The following CX3CL1 variants were observed in gnomAD, a reference collection of about 807,000 sequenced individuals.
CX3CL1 encodes C-X3-C motif chemokine ligand 1.
In CX3CL1, 1 loss-of-function variant was observed where a neutral mutation model predicts 14.1. The observed-to-expected ratio is 0.07, with a 90% CI of 0.03 to 0.34. The LOEUF is 0.34. Ranked by LOEUF, CX3CL1 falls within the 10% of genes least tolerant of loss-of-function variation. The pLI, the probability that CX3CL1 is intolerant of heterozygous loss-of-function variation, is 0.99. For synonymous variants in CX3CL1, 255 were observed against 229.6 expected (o/e 1.11, Z -1.00); for missense variants, 505 against 536.4 (o/e 0.94, Z 0.58).
At chr16:57,374,751 G>C (rs1366166452) in intron 1 of CX3CL1, among the ~76,000 whole-genome samples, 2 of 152,170 alleles carry the variant, frequency 1.3e-5, no homozygotes, top group Non-Finnish European at 2.9e-5. Flanking sequence ...CAGCCCTCGA[G>C]GTGCTGTAAT....
rs1360276417 is a variant in CX3CL1 at position 57,383,501 on chromosome 16, T to TC, written c.*474dup. 2 of 155,142 alleles carry TC rather than the reference T, an allele frequency of 1.3e-5. No individual in the cohort carries two copies. Among genetic ancestry groups the TC allele is most frequent in the Non-Finnish European group, 2.9e-5 (2 of 70,146 alleles). 9.6% of individuals were successfully genotyped at this position (155,142 alleles called of 1,614,324 possible). ...CACCCCGGCCACCTGCGGTGCTATC[T>TC]CCCCCAGCCCCATCCTCTGTACAGA... On this transcript the variant is annotated 3_prime_UTR_variant, in exon 3 of 3. Transcript: ENST00000006053.
intron 2 of CX3CL1, 115 bp from the exon 3 acceptor site, chr16:57,381,915 G>C (rs2146514575): frequency 8.5e-7 from 1 of 1,181,292 alleles, no homozygotes; most frequent in East Asian, 2.6e-5. Flanking sequence ...TGGGAGGACA[G>C]GGTTTCCAGC....
chr16:57,379,661 A>G lies in CX3CL1; in HGVS notation c.98A>G (p.Asn33Ser), dbSNP rs375526511. 3 of 1,614,204 alleles carry G rather than the reference A, an allele frequency of 1.9e-6. No individual in the cohort carries two copies. The highest frequency in any genetic ancestry group is 2.5e-6 in the Non-Finnish European group (3 of 1,180,026). Reference protein sequence around the residue: ...AGQHHGVTKCNITCSKMTSKI... With the variant: ...AGQHHGVTKCSITCSKMTSKI... The stretch of plus-strand genomic sequence containing the variant: ...CAGCACCACGGTGTGACGAAATGCA[A>G]CATCACGTGCAGCAAGATGACATCA... Residue 33 changes from asparagine (N) to serine (S), a missense_variant, in exon 2 of 3, where the codon AAC (asparagine) becomes AGC (serine). By Grantham distance (46) the Asn-to-Ser change is conservative. Transcript: ENST00000006053.
chr16:57,374,356 T>C (rs1224722521), intron 1 of CX3CL1, among the ~76,000 whole-genome samples: 1 of 151,890 alleles, frequency 6.6e-6, no homozygotes, highest in Non-Finnish European at 1.5e-5. Context: ...TTCTGTACTT[T>C]ATATAACAAA....
rs563766506 is a variant in CX3CL1 at position 57,381,528 on chromosome 16, T to A, written c.192-502T>A. Among the ~76,000 whole-genome samples, 23 of 152,150 alleles carry A rather than the reference T, an allele frequency of 1.5e-4. 1 individual carries two copies. The Middle Eastern group carries it at 0.01, about 68-fold the overall frequency. Reference sequence around the variant, plus strand: ...CCTGTTCCAGAGTGAGGAGGCCCCATACAGAGCTCACCTGAAGTCCCCCCC... The same window carrying A: ...CCTGTTCCAGAGTGAGGAGGCCCCAAACAGAGCTCACCTGAAGTCCCCCCC... On this transcript the variant is annotated intron_variant, in intron 2 of 2. Coordinates refer to ENST00000006053, the MANE Select transcript of CX3CL1 (RefSeq NM_002996.6).
intron 2 of CX3CL1, 71 bp from the exon 3 acceptor site, chr16:57,381,959 G>GC: frequency 6.8e-7 from 1 of 1,478,372 alleles, no homozygotes; most frequent in Non-Finnish European, 9.1e-7. Flanking sequence ...TTGGTGCTGT[G>GC]CCCCCACACC....
At chr16:57,379,879 C>A in intron 2 of CX3CL1, 125 bp downstream of exon 2, 1 of 1,146,948 alleles carries the variant, frequency 8.7e-7, no homozygotes, top group Admixed American at 2.1e-5. Context: ...CCTCAGCACA[C>A]GCTTCTCTTG....
Position 57,382,654 on chromosome 16 carries a change from G to C in CX3CL1, c.816G>C (p.Thr272=). 2 of 1,613,234 alleles carry C rather than the reference G, an allele frequency of 1.2e-6. No homozygotes were observed. Among genetic ancestry groups the C allele is most frequent in the South Asian group, 2.2e-5 (2 of 90,972 alleles). ...AGATGGGTCCCGTGCCAGCGCACAC[G>C]GATGCCTTCCAGGACTGGGGGCCTG... ...REEMGPVPAH[T]DAFQDWGPGS... is the part of the protein sequence containing the mutation. Residue 272 remains threonine, a synonymous_variant, in exon 3 of 3, where the codon ACG becomes ACC. Transcript: ENST00000006053. The surrounding 1 kb of genome is among the most constrained non-coding windows in gnomAD (Gnocchi z 6.9).
chr16:57,383,084 CTCA>C lies in CX3CL1; in HGVS notation c.*55_*57del. ...TGATTCAGACAGCTGCCTGGGATCC[CTCA>C]TCCTCATACCCACCCCCACCCAAGG... On this transcript the variant is annotated 3_prime_UTR_variant, in exon 3 of 3. Transcript: ENST00000006053. 2.2e-6 allele frequency: 3 copies of C among 1,357,278 alleles called. No individual in the cohort carries two copies. The highest frequency in any genetic ancestry group is 2.0e-4 in the Middle Eastern group (1 of 5,040). 84.1% of individuals were successfully genotyped at this position (1,357,278 alleles called of 1,614,324 possible).
At chr16:57,379,800 G>A in intron 2 of CX3CL1, 46 bp downstream of exon 2, 1 of 1,609,190 alleles carries the variant, frequency 6.2e-7, no homozygotes, top group East Asian at 2.2e-5. Flanking sequence ...TGGGCCCTTG[G>A]AATATTCCCA....
rs1445987674 is a variant in CX3CL1, at chr16:57,382,234, A to G, written c.396A>G (p.Thr132=). 6.2e-7 allele frequency: 1 copy of G among 1,611,942 alleles called. No homozygotes were observed. Among genetic ancestry groups the G allele is most frequent in the Non-Finnish European group, 8.5e-7 (1 of 1,178,822 alleles). Residue 132 remains threonine (T), a synonymous_variant, in exon 3 of 3, where the codon ACA becomes ACG. Coordinates refer to ENST00000006053, the MANE Select transcript of CX3CL1 (RefSeq NM_002996.6). This position sits in a 1 kb window ranked among gnomAD's most constrained non-coding sequence, Gnocchi z 6.9. ...CTGTGGTCCTGGAGCCCGAAGCCAC[A>G]GGCGAAAGCAGTAGCCTGGAGCCGA... ...DESVVLEPEA[T]GESSSLEPTP... is the part of the protein sequence containing the mutation.
At chr16:57,375,806 C>G (rs1432059745) in intron 1 of CX3CL1, among the ~76,000 whole-genome samples, 1 of 152,170 alleles carries the variant, frequency 6.6e-6, no homozygotes, top group East Asian at 1.9e-4. Flanking sequence ...AGAAGCCTCC[C>G]CTGACCATTT....
chr16:57,381,982 G>C (rs2146514639), intron 2 of CX3CL1, 48 bp from the exon 3 acceptor site: 1 of 1,528,598 alleles, frequency 6.5e-7, no homozygotes, highest in Non-Finnish European at 8.8e-7. Context: ...GCTGGCCCGG[G>C]TTTCTGGTAT....
intron 1 of CX3CL1, among the ~76,000 whole-genome samples, chr16:57,376,312 T>C (rs1902244018): frequency 6.6e-6 from 1 of 152,220 alleles, no homozygotes; most frequent in African/African-American, 2.4e-5. Flanking sequence ...TTTATTGGGA[T>C]GGAAGCACTC....
chr16:57,382,838 G>T lies in CX3CL1; in HGVS notation c.1000G>T (p.Ala334Ser), dbSNP rs148601459. 1.3e-6 allele frequency: 2 copies of T among 1,561,202 alleles called. No homozygotes were observed. The highest frequency in any genetic ancestry group is 2.3e-5 in the East Asian group (1 of 43,928). ...CGTCCTTATCACTCCTGTCCCTGAC[G>T]CCCAGGCTGCCACCCGGAGGCAGGC... ...LGVLITPVPDAQAATRRQAVG... is the reference protein window; with the variant it reads ...LGVLITPVPDSQAATRRQAVG... The change falls in exon 3 of 3, where the codon GCC (alanine) becomes TCC (serine). Residue 334 changes from alanine (A) to serine (S), a missense_variant. Physicochemically the swap from Ala to Ser is moderately conservative, Grantham distance 99. Transcript: ENST00000006053. This position sits in a 1 kb window ranked among gnomAD's most constrained non-coding sequence, Gnocchi z 6.9.
In CX3CL1 at chr16:57,382,808, C is replaced by T. The variant is rs1902350461; in HGVS notation, c.970C>T (p.Leu324=). The T allele has an allele frequency of 6.3e-7, 1 of 1,597,916 alleles. No individual in the cohort carries two copies. Among genetic ancestry groups the T allele is most frequent in the African/African-American group, 1.3e-5 (1 of 74,738 alleles). The change falls in exon 3 of 3, where the codon CTG becomes TTG. Residue 324 remains leucine (L), a synonymous_variant. Coordinates refer to ENST00000006053, the MANE Select transcript of CX3CL1 (RefSeq NM_002996.6). The surrounding 1 kb of genome is among the most constrained non-coding windows in gnomAD (Gnocchi z 6.9). ...PIHATMDPQR[L]GVLITPVPDA... is the part of the protein sequence containing the mutation. ...CCATGCCACCATGGACCCCCAGAGG[C>T]TGGGCGTCCTTATCACTCCTGTCCC...
rs1848690767 is a variant in CX3CL1, at chr16:57,379,734, A to G, written c.171A>G (p.Ser57=). Residue 57 remains serine (S), a synonymous_variant, in exon 2 of 3, where the codon TCA becomes TCG. Transcript: ENST00000006053. ...LLIHYQQNQA[S]CGKRAIILET... ...TCCACTATCAACAGAACCAGGCATC[A>G]TGCGGCAAACGCGCAATCATGTAGG... 6.2e-7 allele frequency: 1 copy of G among 1,614,148 alleles called. No individual in the cohort carries two copies. The highest frequency in any genetic ancestry group is 1.3e-5 in the African/African-American group (1 of 74,960).
intron 1 of CX3CL1, among the ~76,000 whole-genome samples, chr16:57,374,106 C>T (rs1178370532): frequency 1.3e-5 from 2 of 152,094 alleles, no homozygotes; most frequent in Non-Finnish European, 2.9e-5. Flanking sequence ...CTTTCTCAGC[C>T]TCACTTTCTC....
intron 1 of CX3CL1, among the ~76,000 whole-genome samples, chr16:57,373,751 C>T (rs180786791): frequency 6.6e-6 from 1 of 152,300 alleles, no homozygotes; most frequent in Non-Finnish European, 1.5e-5. Flanking sequence ...ATCTGGAAAG[C>T]AGGGAGTCAG....
Sources: gnomAD v4.1 joint callset for allele counts (sites outside exome capture counted in the v4.1 genomes callset) on GRCh38, gnomAD v4.1.1 for gene constraint, Gnocchi (gnomAD v3.1) non-coding constraint, MANE v1.5 for transcripts, NCBI Gene and HGNC (gene_info 2026-07-23, HGNC 2026-07-21) for gene names.